Variants in TMEM107 observed in about 807,000 individuals in gnomAD.
TMEM107 encodes transmembrane protein 107.
Under a neutral mutation model 16.8 loss-of-function variants are expected in TMEM107, and 18 were observed. The ratio of observed to expected loss-of-function variants is 1.07; its 90% confidence interval spans 0.74 to 1.59. The LOEUF (loss-of-function observed/expected upper bound fraction) is 1.59. Ranked by LOEUF, TMEM107 falls within the 40% of genes most tolerant of loss-of-function variation. The pLI, the probability that TMEM107 is intolerant of heterozygous loss-of-function variation, is 0.00. For synonymous variants in TMEM107, 68 were observed against 71.6 expected (o/e 0.95, Z 0.25); for missense variants, 152 against 175.4 (o/e 0.87, Z 0.75).
rs772938998 is a variant in TMEM107, at chr17:8,173,588, TACAG to T, written c.*611_*614del. 9.2e-6 allele frequency: 7 copies of T among 763,862 alleles called. No homozygotes were observed. Among genetic ancestry groups the T allele is most frequent in the African/African-American group, 3.4e-5 (2 of 59,200 alleles). 47.3% of individuals were successfully genotyped at this position (763,862 alleles called of 1,614,324 possible). A position where few individuals can be genotyped will look rare whatever the true frequency, so the allele number is the denominator to read the frequency against. On this transcript the variant is annotated 3_prime_UTR_variant, in exon 5 of 5. Transcript: ENST00000437139. ...AGGTAAGGATTATCCCACCTGACGA[TACAG>T]ACAAACAGCCGACATTCTGCACTCA...
rs1983808478 is a variant in TMEM107 at position 8,173,509 on chromosome 17, ACGTTTCAT to A, written c.*686_*693del. The A allele has an allele frequency of 1.3e-6, 1 of 765,374 alleles. No homozygotes were observed. Among genetic ancestry groups the A allele is most frequent in the Non-Finnish European group, 2.4e-6 (1 of 418,040 alleles). 47.4% of individuals were successfully genotyped at this position (765,374 alleles called of 1,614,324 possible). The stretch of plus-strand genomic sequence containing the variant: ...TCCTGATTACGCAGAGACGTTAATC[ACGTTTCAT>A]GCATCTCCAATCATCATGTTCTAAT... On this transcript the variant is annotated 3_prime_UTR_variant, in exon 5 of 5. Coordinates refer to ENST00000437139, the MANE Select transcript of TMEM107 (RefSeq NM_183065.4).
chr17:8,173,408 T>A lies in TMEM107; in HGVS notation c.*795A>T, dbSNP rs563649124. The A allele has an allele frequency of 2.9e-5, 21 of 730,082 alleles. No individual in the cohort carries two copies. Among genetic ancestry groups the A allele is most frequent in the East Asian group, 7.5e-5 (3 of 40,010 alleles). The allele number at this position is 730,082 out of a possible 1,614,324, so 45.2% of individuals were successfully genotyped here. A position where few individuals can be genotyped will look rare whatever the true frequency, so the allele number is the denominator to read the frequency against. On this transcript the variant is annotated 3_prime_UTR_variant, in exon 5 of 5. Transcript: ENST00000437139. ...AGAACTTCATAGCTATGTTTGTGGATATCTGCTAATCAGCATAACACAAAT... is the reference window on the plus strand; with the variant it reads ...AGAACTTCATAGCTATGTTTGTGGAAATCTGCTAATCAGCATAACACAAAT...
chr17:8,174,367 G>A, intron 4 of TMEM107, 95 bp from the exon 5 acceptor site: 2 of 1,338,570 alleles, frequency 1.5e-6, no homozygotes, highest in South Asian at 2.3e-5. Flanking sequence ...AGGGCAGGTG[G>A]CATGGGGGGT....
chr17:8,174,130 T>G lies in TMEM107; in HGVS notation c.*73A>C. ...CGAGGGGAAAACCGAAGCCTATGCC[T>G]TCCTTCTTCCAGGAATACGAAGCGG... is the stretch of plus-strand genomic sequence containing the variant. On this transcript the variant is annotated 3_prime_UTR_variant, in exon 5 of 5. Coordinates refer to ENST00000437139, the MANE Select transcript of TMEM107 (RefSeq NM_183065.4). The G allele has an allele frequency of 7.2e-7, 1 of 1,392,840 alleles. No homozygotes were observed. Among genetic ancestry groups the G allele is most frequent in the Non-Finnish European group, 1.0e-6 (1 of 979,606 alleles). The allele number at this position is 1,392,840 out of a possible 1,614,324, so 86.3% of individuals were successfully genotyped here. A position where few individuals can be genotyped will look rare whatever the true frequency, so the allele number is the denominator to read the frequency against.
rs73975808 is a variant in TMEM107, at chr17:8,173,404, T to G, written c.*799A>C. 4.7e-5 allele frequency: 34 copies of G among 726,436 alleles called. No homozygotes were observed. Among genetic ancestry groups the G allele is most frequent in the Non-Finnish European group, 6.9e-5 (27 of 393,966 alleles). 45.0% of individuals were successfully genotyped at this position (726,436 alleles called of 1,614,324 possible). A position where few individuals can be genotyped will look rare whatever the true frequency, so the allele number is the denominator to read the frequency against. ...AGTCAGAACTTCATAGCTATGTTTGTGGATATCTGCTAATCAGCATAACAC... is the reference window on the plus strand; with the variant it reads ...AGTCAGAACTTCATAGCTATGTTTGGGGATATCTGCTAATCAGCATAACAC... On this transcript the variant is annotated 3_prime_UTR_variant, in exon 5 of 5. Coordinates refer to ENST00000437139, the MANE Select transcript of TMEM107 (RefSeq NM_183065.4).
In TMEM107 at chr17:8,173,346, G is replaced by A. The variant is rs534743103; in HGVS notation, c.*857C>T. 2.7e-4 allele frequency: 163 copies of A among 598,536 alleles called. 2 individuals carry two copies. Among genetic ancestry groups the A allele is most frequent in the South Asian group, 2.3e-3 (107 of 46,346 alleles). The allele number at this position is 598,536 out of a possible 1,614,324, so 37.1% of individuals were successfully genotyped here. A position where few individuals can be genotyped will look rare whatever the true frequency, so the allele number is the denominator to read the frequency against. Reference sequence around the variant, plus strand: ...CAAAATAGACAAACAGCAATAGCAAGACTGCAAAATAGACAAACAGCAAGG... The same window carrying A: ...CAAAATAGACAAACAGCAATAGCAAAACTGCAAAATAGACAAACAGCAAGG... On this transcript the variant is annotated 3_prime_UTR_variant, in exon 5 of 5. Coordinates refer to ENST00000437139, the MANE Select transcript of TMEM107 (RefSeq NM_183065.4).
intron 4 of TMEM107, 28 bp from the exon 5 acceptor site, chr17:8,174,300 A>G: frequency 6.2e-7 from 1 of 1,602,778 alleles, no homozygotes; most frequent in Non-Finnish European, 8.5e-7. Context: ...AGATTCAGAA[A>G]CCCTTTCAGT....
chr17:8,173,717 C>A lies in TMEM107; in HGVS notation c.*486G>T, dbSNP rs567524252. ...TTCCAGTTGTTTTGCCATATTAGCT[C>A]GCACATTTTTTTAAATTTTTTTTTC... On this transcript the variant is annotated 3_prime_UTR_variant, in exon 5 of 5. Coordinates refer to ENST00000437139, the MANE Select transcript of TMEM107 (RefSeq NM_183065.4). 3.5e-6 allele frequency: 2 copies of A among 568,742 alleles called. No individual in the cohort carries two copies. The highest frequency in any genetic ancestry group is 6.3e-6 in the Non-Finnish European group (2 of 319,156). 35.2% of individuals were successfully genotyped at this position (568,742 alleles called of 1,614,324 possible).
In TMEM107 at chr17:8,173,819, A is replaced by T. The variant is rs1010340221; in HGVS notation, c.*384T>A. On this transcript the variant is annotated 3_prime_UTR_variant, in exon 5 of 5. Coordinates refer to ENST00000437139, the MANE Select transcript of TMEM107 (RefSeq NM_183065.4). The stretch of plus-strand genomic sequence containing the variant: ...GTTACGTGCCGGACGTTCTAACTGT[A>T]CGCACTTTCTATTTACATATCTCCG... 1.2e-5 allele frequency: 6 copies of T among 502,432 alleles called. No individual in the cohort carries two copies. The highest frequency in any genetic ancestry group is 7.8e-5 in the African/African-American group (4 of 51,264). The allele number at this position is 502,432 out of a possible 1,614,324, so 31.1% of individuals were successfully genotyped here.
At chr17:8,175,878 G>C in intron 2 of TMEM107, 21 bp from the exon 3 acceptor site, 2 of 1,614,174 alleles carry the variant, frequency 1.2e-6, no homozygotes, top group Middle Eastern at 1.6e-4. Context: ...GAAGTGGACT[G>C]GCCCAGGCCT....
chr17:8,172,875 ACC>A lies in TMEM107; in HGVS notation c.*1326_*1327del, dbSNP rs139364837. 0.096 allele frequency among the ~76,000 whole-genome samples: 8,225 copies of A among 85,908 alleles called. 653 individuals carry two copies. Among genetic ancestry groups the A allele is most frequent in the Non-Finnish European group, 0.16 (4,953 of 31,940 alleles). 56.4% of individuals were successfully genotyped at this position (85,908 alleles called of 152,430 possible). A position where few individuals can be genotyped will look rare whatever the true frequency, so the allele number is the denominator to read the frequency against. ...TGTCTCAAAAAAAAAAAAAAAAAAA[ACC>A]AAAAGAGGGGGGTGGTCAACATACC... On this transcript the variant is annotated 3_prime_UTR_variant, in exon 5 of 5. Coordinates refer to ENST00000437139, the MANE Select transcript of TMEM107 (RefSeq NM_183065.4).
chr17:8,173,971 G>C lies in TMEM107; in HGVS notation c.*232C>G, dbSNP rs772331149. ...ATTCAGTAGTTCAGCCATCTCAATT[G>C]TCCCCTAAAACTGTATATAAGTCTT... is the stretch of plus-strand genomic sequence containing the variant. On this transcript the variant is annotated 3_prime_UTR_variant, in exon 5 of 5. Transcript: ENST00000437139. 6.3e-5 allele frequency: 32 copies of C among 511,734 alleles called. No individual in the cohort carries two copies. The highest frequency in any genetic ancestry group is 9.7e-5 in the African/African-American group (5 of 51,556). 31.7% of individuals were successfully genotyped at this position (511,734 alleles called of 1,614,324 possible).
In TMEM107 at chr17:8,176,026, C is replaced by T. The variant is rs1049214287; in HGVS notation, c.88G>A (p.Asp30Asn). ...GGCAGGCAGGCCTGTATGTTGCTGT[C>T]CTGGGAGCAGGGCACAGGAAGAGAA... ...VVVITLFWSR[D>N]SNIQACLPLT... The change falls in exon 2 of 5, where the codon GAC (aspartate) becomes AAC (asparagine). Residue 30 changes from aspartate (D) to asparagine (N), a missense_variant and splice_region_variant. By Grantham distance (23) the Asp-to-Asn change is conservative (BLOSUM62 1). Coordinates refer to ENST00000437139, the MANE Select transcript of TMEM107 (RefSeq NM_183065.4). The T allele has an allele frequency of 2.0e-5, 32 of 1,614,048 alleles. No homozygotes were observed. The highest frequency in any genetic ancestry group is 2.4e-5 in the Non-Finnish European group (28 of 1,180,042).
In TMEM107 at chr17:8,175,805, C is replaced by T. The variant is rs765045090; in HGVS notation, c.208G>A (p.Gly70Ser). The change falls in exon 3 of 5, where the codon GGT (glycine) becomes AGT (serine). Residue 70 changes from glycine to serine, a missense_variant. By Grantham distance (56) the Gly-to-Ser change is moderately conservative. Transcript: ENST00000437139. ...AACATGGAGACTCCTGAGAGGAAAC[C>T]GGCCAGCTCCACTGCAAAGAGGCCC... ...TLGLFAVELAGFLSGVSMFNS... is the reference protein window; with the variant it reads ...TLGLFAVELASFLSGVSMFNS... 1.9e-6 allele frequency: 3 copies of T among 1,614,150 alleles called. No individual in the cohort carries two copies. Among genetic ancestry groups the T allele is most frequent in the East Asian group, 2.2e-5 (1 of 44,876 alleles).
rs532139251 is a variant in TMEM107 at position 8,173,366 on chromosome 17, G to A, written c.*837C>T. 4.7e-5 allele frequency: 30 copies of A among 637,604 alleles called. 1 individual carries two copies. The highest frequency in any genetic ancestry group is 1.8e-4 in the South Asian group (10 of 54,632). 39.5% of individuals were successfully genotyped at this position (637,604 alleles called of 1,614,324 possible). ...AGCAAGACTGCAAAATAGACAAACA[G>A]CAAGGTTATCCCAGTCAGAACTTCA... is the stretch of plus-strand genomic sequence containing the variant. On this transcript the variant is annotated 3_prime_UTR_variant, in exon 5 of 5. Coordinates refer to ENST00000437139, the MANE Select transcript of TMEM107 (RefSeq NM_183065.4).
chr17:8,175,655 A>C (rs1598276865), intron 3 of TMEM107, 102 bp downstream of exon 3: 1 of 987,496 alleles, frequency 1.0e-6, no homozygotes, highest in Non-Finnish European at 1.6e-6. Context: ...AGATCTTTGA[A>C]CTGGAAGGAT....
chr17:8,173,026 C>G lies in TMEM107; in HGVS notation c.*1177G>C, dbSNP rs1183174217. 6.6e-6 allele frequency among the ~76,000 whole-genome samples: 1 copy of G among 151,952 alleles called. No individual in the cohort carries two copies. The highest frequency in any genetic ancestry group is 1.5e-5 in the Non-Finnish European group (1 of 68,010). On this transcript the variant is annotated 3_prime_UTR_variant, in exon 5 of 5. Coordinates refer to ENST00000437139, the MANE Select transcript of TMEM107 (RefSeq NM_183065.4). ...TTTTTAACAACCAACTCTCCAAAAA[C>G]AAATGTATCCATGTATATACATCTG...
At chr17:8,174,654 G>A in intron 3 of TMEM107, 38 bp from the exon 4 acceptor site, 1 of 1,581,400 alleles carries the variant, frequency 6.3e-7, no homozygotes, top group Non-Finnish European at 8.7e-7. Flanking sequence ...TCTTTGGATC[G>A]ACAGACAGTG....
Position 8,173,473 on chromosome 17 carries a change from G to C in TMEM107, c.*730C>G, listed in dbSNP as rs181334320. ...GAAAGAATCAGACAGGAGCAATCAG[G>C]GTGTTGCAAGTCCTGATTACGCAGA... is the stretch of plus-strand genomic sequence containing the variant. On this transcript the variant is annotated 3_prime_UTR_variant, in exon 5 of 5. Transcript: ENST00000437139. 2.8e-4 allele frequency: 211 copies of C among 764,554 alleles called. 1 individual carries two copies. Among genetic ancestry groups the C allele is most frequent in the Admixed American group, 4.4e-4 (26 of 58,976 alleles). The allele number at this position is 764,554 out of a possible 1,614,324, so 47.4% of individuals were successfully genotyped here.
Sources: gnomAD v4.1 joint callset for allele counts (sites outside exome capture counted in the v4.1 genomes callset) on GRCh38, gnomAD v4.1.1 for gene constraint, MANE v1.5 for transcripts, NCBI Gene and HGNC (gene_info 2026-07-23, HGNC 2026-07-21) for gene names.